KIF26B: variants seen among roughly 807,000 people sequenced by gnomAD.
KIF26B encodes kinesin-like protein KIF26B.
Under a neutral mutation model 151.2 loss-of-function variants are expected in KIF26B, and 63 were observed. The observed-to-expected ratio is 0.42, with a 90% CI of 0.34 to 0.51. KIF26B has a LOEUF of 0.51. Among genes scored for constraint, KIF26B ranks in the 20% least tolerant of loss-of-function variants. KIF26B has a pLI of 0.07. For synonymous variants in KIF26B, 1,357 were observed against 1,262.1 expected (o/e 1.08, Z -1.59); for missense variants, 2,813 against 2,913.6 (o/e 0.97, Z 0.79).
rs774959523 is a variant in KIF26B at position 245,699,494 on chromosome 1, GAAAA to G, written c.6178+469_6178+472del. On this transcript the variant is annotated intron_variant, in intron 14 of 14. Transcript: ENST00000407071. ...AAAGCAAGGAAAACATTTTTGAGTG[GAAAA>G]AAAAAAAAAAAGACAGCCACAGTGT... Among the ~76,000 whole-genome samples the G allele has an allele frequency of 7.0e-5, 9 of 128,664 alleles. No individual in the cohort carries two copies. The East Asian group carries it at 1.6e-3, about 23-fold the overall frequency. 84.4% of individuals were successfully genotyped at this position (128,664 alleles called of 152,430 possible).
intron 2 of KIF26B, among the ~76,000 whole-genome samples, chr1:245,215,362 G>A (rs1325800095): frequency 2.6e-5 from 4 of 152,148 alleles, no homozygotes; most frequent in African/African-American, 9.7e-5. Flanking sequence ...TCCAGGACTG[G>A]TGTGAAGTAG....
At chr1:245,451,344 A>G (rs1030887253) in intron 4 of KIF26B, among the ~76,000 whole-genome samples, 1 of 152,080 alleles carries the variant, frequency 6.6e-6, no homozygotes, top group African/African-American at 2.4e-5. Flanking sequence ...CCCTTTACCC[A>G]ATAATTACTT....
intron 1 of KIF26B, 40 bp downstream of exon 1, chr1:245,155,527 C>T (rs963963281): frequency 9.1e-6 from 14 of 1,543,730 alleles, no homozygotes; most frequent in Non-Finnish European, 1.2e-5. Context: ...CGTTACCAGA[C>T]CCATCTCGGC....
chr1:245,179,968 G>A (rs1003035076), intron 2 of KIF26B, among the ~76,000 whole-genome samples: 2 of 152,170 alleles, frequency 1.3e-5, no homozygotes, highest in Non-Finnish European at 1.5e-5. Context: ...AGGAGGCAGC[G>A]CCTGGGGGGC....
rs116192696 is a variant in KIF26B at position 245,204,739 on chromosome 1, A to G, written c.465+48056A>G. 3.1e-3 allele frequency among the ~76,000 whole-genome samples: 476 copies of G among 152,120 alleles called. 2 individuals carry two copies. The highest frequency in any genetic ancestry group is 0.011 in the African/African-American group (452 of 41,500). On this transcript the variant is annotated intron_variant, in intron 2 of 14. Transcript: ENST00000407071. Reference sequence around the variant, plus strand: ...AACCACAGAGCAAATAATCCCCTTAAAAATCTTAAGTTTTTAGTTTTTCCA... The same window carrying G: ...AACCACAGAGCAAATAATCCCCTTAGAAATCTTAAGTTTTTAGTTTTTCCA...
At chr1:245,306,210 C>CT (rs1671536807) in intron 2 of KIF26B, among the ~76,000 whole-genome samples, 1 of 152,086 alleles carries the variant, frequency 6.6e-6, no homozygotes. Context: ...TGGAATATTA[C>CT]TTGGCAGTGA....
At chr1:245,694,903 A>G (rs2044670832) in intron 12 of KIF26B, among the ~76,000 whole-genome samples, 1 of 152,200 alleles carries the variant, frequency 6.6e-6, no homozygotes, top group South Asian at 2.1e-4. Flanking sequence ...GCTGATGAGC[A>G]GGGAGGGGTT....
chr1:245,450,677 T>C (rs1659368602), intron 4 of KIF26B, among the ~76,000 whole-genome samples: 3 of 152,316 alleles, frequency 2.0e-5, no homozygotes, highest in South Asian at 4.1e-4. Context: ...AGGCGTATTC[T>C]GTGGTAGGAT....
chr1:245,628,808 C>T (rs1042865499), intron 9 of KIF26B, among the ~76,000 whole-genome samples: 1 of 151,980 alleles, frequency 6.6e-6, no homozygotes, highest in African/African-American at 2.4e-5. Context: ...AGGAAGTCAA[C>T]TTGTCTCTGT....
At chr1:245,393,310 T>C (rs973452566) in intron 3 of KIF26B, among the ~76,000 whole-genome samples, 5 of 152,248 alleles carry the variant, frequency 3.3e-5, no homozygotes, top group African/African-American at 1.2e-4. Flanking sequence ...TGTTGTTACT[T>C]TGTCTCTGCA....
intron 9 of KIF26B, among the ~76,000 whole-genome samples, chr1:245,638,447 CT>C (rs1417845550): frequency 1.3e-5 from 2 of 151,794 alleles, no homozygotes; most frequent in African/African-American, 2.4e-5. Context: ...TGACTTCTTC[CT>C]TTCTAATTTG....
chr1:245,284,900 G>C (rs374789081), intron 2 of KIF26B, among the ~76,000 whole-genome samples: 1 of 152,152 alleles, frequency 6.6e-6, no homozygotes, highest in South Asian at 2.1e-4. Flanking sequence ...TTAGCCGGGC[G>C]TGGTGGCGCA....
At chr1:245,186,094 C>T (rs1447473100) in intron 2 of KIF26B, among the ~76,000 whole-genome samples, 4 of 152,100 alleles carry the variant, frequency 2.6e-5, no homozygotes, top group South Asian at 2.1e-4. Context: ...AGGCTGGTCT[C>T]GAACCCCTTA....
intron 4 of KIF26B, among the ~76,000 whole-genome samples, chr1:245,535,957 A>C (rs2103099757): frequency 6.6e-6 from 1 of 152,314 alleles, no homozygotes; most frequent in Middle Eastern, 3.4e-3. Context: ...CTTGATAATA[A>C]TATTTATAAT....
At chr1:245,498,851 A>G (rs1026225925) in intron 4 of KIF26B, among the ~76,000 whole-genome samples, 4 of 152,176 alleles carry the variant, frequency 2.6e-5, no homozygotes, top group African/African-American at 9.7e-5. Context: ...TCTCTTCCCT[A>G]CCTGTGTTTC....
intron 3 of KIF26B, among the ~76,000 whole-genome samples, chr1:245,383,924 T>TG (rs1434554067): frequency 6.6e-6 from 1 of 152,160 alleles, no homozygotes; most frequent in Non-Finnish European, 1.5e-5. Flanking sequence ...TGCTAAAACT[T>TG]GCGGAACGTG....
chr1:245,453,225 A>T (rs72762808), intron 4 of KIF26B, among the ~76,000 whole-genome samples: 4,664 of 152,112 alleles, frequency 0.031, 170 homozygotes, highest in African/African-American at 0.084. Context: ...TTATTTTTTT[A>T]AAAAATCTCC....
chr1:245,487,810 G>A (rs1461242847), intron 4 of KIF26B, among the ~76,000 whole-genome samples: 1 of 133,700 alleles, frequency 7.5e-6, no homozygotes, highest in African/African-American at 2.8e-5. Flanking sequence ...TGTCTCATTT[G>A]CATTTGCATT....
intron 4 of KIF26B, among the ~76,000 whole-genome samples, chr1:245,508,487 G>A (rs922455468): frequency 2.0e-5 from 3 of 151,804 alleles, no homozygotes; most frequent in Non-Finnish European, 4.4e-5. Flanking sequence ...TGATCCTCCC[G>A]CCTCAACCTC....
Sources: gnomAD v4.1 joint callset for allele counts (sites outside exome capture counted in the v4.1 genomes callset) on GRCh38, gnomAD v4.1.1 for gene constraint, MANE v1.5 for transcripts, NCBI Gene and HGNC (gene_info 2026-07-23, HGNC 2026-07-21) for gene names.